NEBL: variants seen among roughly 807,000 people sequenced by gnomAD.
NEBL encodes nebulette, also known as LIM and SH3 protein 2.
Under a neutral mutation model 140.2 loss-of-function variants are expected in NEBL, and 122 were observed. That is an observed-to-expected ratio of 0.87 (90% CI 0.75 to 1.01). NEBL has a LOEUF of 1.01. Among genes scored for constraint, NEBL ranks in the 50% least tolerant of loss-of-function variants. The pLI is 0.00. For synonymous variants in NEBL, 436 were observed against 398.9 expected (o/e 1.09, Z -1.11); for missense variants, 1,365 against 1,231.3 (o/e 1.11, Z -1.62).
intron 4 of NEBL, among the ~76,000 whole-genome samples, chr10:20,961,341 G>A (rs1426866850): frequency 1.3e-5 from 2 of 152,020 alleles, no homozygotes; most frequent in African/African-American, 4.8e-5. Flanking sequence ...AACCTTATAT[G>A]TATATTTTAT....
intron 1 of NEBL, among the ~76,000 whole-genome samples, chr10:21,283,206 A>T (rs528698595): frequency 3.3e-5 from 5 of 152,132 alleles, no homozygotes. Flanking sequence ...TGGCAACAAG[A>T]GTGACCTCTG....
At chr10:20,825,021 C>A (rs537989320) in intron 18 of NEBL, among the ~76,000 whole-genome samples, 98 of 152,328 alleles carry the variant, frequency 6.4e-4, no homozygotes, top group Non-Finnish European at 1.2e-3. Flanking sequence ...CCACTCTCAT[C>A]CACACCTTAA....
chr10:20,951,387 C>CAA (rs11345723), intron 4 of NEBL, among the ~76,000 whole-genome samples: 2 of 117,784 alleles, frequency 1.7e-5, no homozygotes, highest in South Asian at 2.6e-4. Context: ...AAAATATGAG[C>CAA]AAAAAAAAAA....
chr10:21,176,071 C>T (rs1215831701), upstream of NEBL, among the ~76,000 whole-genome samples: 2 of 151,898 alleles, frequency 1.3e-5, no homozygotes, highest in East Asian at 3.9e-4. Context: ...CTCACTGCCT[C>T]AGTGAGTGGC....
chr10:20,812,735 C>T, intron 24 of NEBL, 34 bp downstream of exon 24: 2 of 1,612,206 alleles, frequency 1.2e-6, no homozygotes, highest in Non-Finnish European at 8.5e-7. Context: ...TCTTTTCGAC[C>T]ACACACACCG....
intron 2 of NEBL, chr10:21,029,506 G>T (rs1464277341): frequency 4.3e-6 from 7 of 1,610,442 alleles, no homozygotes; most frequent in Non-Finnish European, 5.1e-6. Context: ...TCGAGTGGAC[G>T]TTGCTGATCA....
chr10:20,894,820 T>G (rs142687497), intron 2 of NEBL, among the ~76,000 whole-genome samples: 3,261 of 147,054 alleles, frequency 0.022, 131 homozygotes, highest in African/African-American at 0.078. Flanking sequence ...TCCCGGCTAC[T>G]CGGGTGGCTG....
rs114690361 is a variant in NEBL, at chr10:21,059,294, C to G, written c.165-39093G>C. ...TATGGTCTGCACCACTTGTGCTGGGCACAGGCACTCTATCTGTTGGATGCT... is the reference window on the plus strand; with the variant it reads ...TATGGTCTGCACCACTTGTGCTGGGGACAGGCACTCTATCTGTTGGATGCT... On this transcript the variant is annotated intron_variant, in intron 2 of 6. Coordinates refer to the NEBL transcript ENST00000417816. Among the ~76,000 whole-genome samples the G allele has an allele frequency of 6.3e-3, 958 of 152,340 alleles. 17 individuals are homozygous for G. Among genetic ancestry groups the G allele is most frequent in the African/African-American group, 0.022 (895 of 41,580 alleles).
intron 5 of NEBL, among the ~76,000 whole-genome samples, chr10:20,870,064 C>A (rs1042287837): frequency 6.6e-6 from 1 of 151,940 alleles, no homozygotes; most frequent in African/African-American, 2.4e-5. Flanking sequence ...CAGTGGCTCA[C>A]GTCTGTAATC....
intron 2 of NEBL, among the ~76,000 whole-genome samples, chr10:21,108,681 C>T (rs2041696145): frequency 6.6e-6 from 1 of 152,186 alleles, no homozygotes; most frequent in Non-Finnish European, 1.5e-5. Context: ...ATTAGGTCCG[C>T]TTGGTCCAGA....
chr10:21,236,847 C>G (rs1188814950), intron 3 of NEBL, among the ~76,000 whole-genome samples: 1 of 152,212 alleles, frequency 6.6e-6, no homozygotes, highest in Admixed American at 6.5e-5. Context: ...TACTGTAAGT[C>G]AGGAACAGTT....
At chr10:21,017,564 A>G (rs996223711) in intron 3 of NEBL, among the ~76,000 whole-genome samples, 1 of 152,182 alleles carries the variant, frequency 6.6e-6, no homozygotes, top group Non-Finnish European at 1.5e-5. Context: ...GGAGAATAAA[A>G]TCGGCCATTC....
chr10:20,961,448 T>C (rs1040002699), intron 4 of NEBL, among the ~76,000 whole-genome samples: 1 of 152,100 alleles, frequency 6.6e-6, no homozygotes, highest in Non-Finnish European at 1.5e-5. Flanking sequence ...CCATTCAAAA[T>C]GGAATAAGGA....
intron 3 of NEBL, among the ~76,000 whole-genome samples, chr10:20,965,842 C>T (rs1836288148): frequency 6.6e-6 from 1 of 152,130 alleles, no homozygotes; most frequent in African/African-American, 2.4e-5. Flanking sequence ...TTCTTGGGCC[C>T]AGCCTCAGGG....
At chr10:20,890,001 T>C in intron 2 of NEBL, 52 bp from the exon 3 acceptor site, 1 of 1,178,200 alleles carries the variant, frequency 8.5e-7, no homozygotes, top group Non-Finnish European at 1.3e-6. Flanking sequence ...ACAATTCTAA[T>C]GGCCTTTTTT....
intron 26 of NEBL, among the ~76,000 whole-genome samples, chr10:20,788,379 AAC>A (rs1193995617): frequency 6.6e-6 from 1 of 152,178 alleles, no homozygotes; most frequent in Non-Finnish European, 1.5e-5. Flanking sequence ...ATTTATTCAG[AAC>A]AGTTTTTATA....
intron 1 of NEBL, among the ~76,000 whole-genome samples, chr10:21,289,311 G>A (rs761706616): frequency 6.6e-5 from 10 of 152,114 alleles, no homozygotes; most frequent in Non-Finnish European, 1.2e-4. Context: ...CAGTATTCAC[G>A]GAGATCATGA....
At chr10:21,150,754 C>A (rs576860544) in intron 2 of NEBL, among the ~76,000 whole-genome samples, 1 of 152,284 alleles carries the variant, frequency 6.6e-6, no homozygotes, top group East Asian at 1.9e-4. Context: ...GCATGGCACA[C>A]CATGTTATGG....
At chr10:20,864,386 A>G (rs542391302) in intron 7 of NEBL, among the ~76,000 whole-genome samples, 61 of 152,196 alleles carry the variant, frequency 4.0e-4, no homozygotes, top group Non-Finnish European at 7.3e-4. Flanking sequence ...TAAAAAGGGA[A>G]AGTTTACAAC....
Sources: gnomAD v4.1 joint callset for allele counts (sites outside exome capture counted in the v4.1 genomes callset) on GRCh38, gnomAD v4.1.1 for gene constraint, MANE v1.5 for transcripts, NCBI Gene and HGNC (gene_info 2026-07-23, HGNC 2026-07-21) for gene names.